The following HSDL2 variants were observed in gnomAD, a reference collection of about 807,000 sequenced individuals.
The protein encoded by HSDL2 is hydroxysteroid dehydrogenase like 2.
Under a neutral mutation model 46.3 loss-of-function variants are expected in HSDL2, and 27 were observed. That is an observed-to-expected ratio of 0.58 (90% confidence interval 0.43 to 0.80). HSDL2 has a LOEUF of 0.80. Among genes scored for constraint, HSDL2 ranks in the 30% least tolerant of loss-of-function variants. The pLI is 0.00. For synonymous variants in HSDL2, 153 were observed against 163.6 expected (o/e 0.94, Z 0.50); for missense variants, 451 against 502.7 (o/e 0.90, Z 0.98).
At chr9:112,467,682 G>A (rs187797579) in intron 10 of HSDL2, among the ~76,000 whole-genome samples, 85 of 152,200 alleles carry the variant, frequency 5.6e-4, no homozygotes, top group African/African-American at 2.0e-3. Flanking sequence ...GAAGTTTGTG[G>A]GGAATGCCAA....
intron 1 of HSDL2, among the ~76,000 whole-genome samples, chr9:112,400,302 G>A (rs1044431702): frequency 6.6e-6 from 1 of 152,156 alleles, no homozygotes; most frequent in Non-Finnish European, 1.5e-5. Flanking sequence ...ATTCACTGCT[G>A]CTGGTAAGGA....
intron 1 of HSDL2, among the ~76,000 whole-genome samples, chr9:112,401,441 CAAAAAAAAAAAAA>C (rs398011899): frequency 6.5e-5 from 4 of 61,496 alleles, no homozygotes; most frequent in African/African-American, 2.7e-4. Context: ...GAACCGCTCT[CAAAAAAAAAAAAA>C]AAAAAAAAAA....
At chr9:112,397,220 C>T (rs1484498423) in intron 1 of HSDL2, among the ~76,000 whole-genome samples, 1 of 152,158 alleles carries the variant, frequency 6.6e-6, no homozygotes, top group Non-Finnish European at 1.5e-5. Context: ...TGATTGCCGT[C>T]CTTCATAGCC....
intron 6 of HSDL2, among the ~76,000 whole-genome samples, chr9:112,436,992 C>G (rs1225006418): frequency 2.3e-5 from 3 of 127,848 alleles, no homozygotes; most frequent in African/African-American, 9.1e-5. Context: ...CGGAGTCTCG[C>G]TCTGTCACCC....
chr9:112,416,643 G>A (rs181207770), intron 4 of HSDL2, among the ~76,000 whole-genome samples, 198 bp from the exon 5 acceptor site: 1 of 150,528 alleles, frequency 6.6e-6, no homozygotes, highest in Non-Finnish European at 1.5e-5. Flanking sequence ...CTGCACACCT[G>A]TAGTTCCAGC....
At chr9:112,442,170 G>A (rs938261279) in intron 8 of HSDL2, among the ~76,000 whole-genome samples, 1 of 150,548 alleles carries the variant, frequency 6.6e-6, no homozygotes, top group Admixed American at 6.7e-5. Context: ...TCAGGAGGCT[G>A]AGGTGGGAGG....
intron 10 of HSDL2, among the ~76,000 whole-genome samples, chr9:112,469,401 C>A (rs1486542597): frequency 6.6e-6 from 1 of 151,832 alleles, no homozygotes; most frequent in Non-Finnish European, 1.5e-5. Context: ...GACAGAAAAT[C>A]ATAAATGAGG....
chr9:112,446,492 G>A (rs73537882), intron 8 of HSDL2, among the ~76,000 whole-genome samples: 201 of 152,256 alleles, frequency 1.3e-3, no homozygotes, highest in African/African-American at 4.6e-3. Context: ...ATAGCCAGGC[G>A]TGGTGGTATG....
intron 1 of HSDL2, 78 bp from the exon 2 acceptor site, chr9:112,403,917 A>C: frequency 7.0e-7 from 1 of 1,420,120 alleles, no homozygotes; most frequent in Non-Finnish European, 9.7e-7. Flanking sequence ...ATATTATGAA[A>C]ATATGCATGA....
intron 10 of HSDL2, among the ~76,000 whole-genome samples, chr9:112,463,035 TC>T (rs1833260369): frequency 6.6e-6 from 1 of 152,196 alleles, no homozygotes. Flanking sequence ...GTAGTTCGGT[TC>T]CTTTTTATTG....
Position 112,416,041 on chromosome 9 carries a change from G to A in HSDL2, c.396-800G>A, listed in dbSNP as rs143999382. Among the ~76,000 whole-genome samples, 898 of 151,742 alleles carry A rather than the reference G, an allele frequency of 5.9e-3. 9 individuals are homozygous for A. Among genetic ancestry groups the A allele is most frequent in the Non-Finnish European group, 0.011 (716 of 67,902 alleles). On this transcript the variant is annotated intron_variant, in intron 4 of 10. Coordinates refer to ENST00000398805, the MANE Select transcript of HSDL2 (RefSeq NM_032303.5). ...GGAGAATGGCATGAACCCGGGAGGC[G>A]GAGCTTGCAGTGAGCGATTGTGCCA...
chr9:112,432,578 A>T (rs1411710738), intron 6 of HSDL2, among the ~76,000 whole-genome samples: 1 of 152,250 alleles, frequency 6.6e-6, no homozygotes, highest in East Asian at 1.9e-4. Flanking sequence ...AGAGGGCATT[A>T]TCTGGTCCAG....
intron 8 of HSDL2, among the ~76,000 whole-genome samples, chr9:112,447,704 A>G (rs1999264): frequency 0.96 from 145,556 of 152,300 alleles, 69,619 homozygotes; most frequent in African/African-American, 0.98. Flanking sequence ...TAAAAAATCA[A>G]ATTGCTAAAC....
chr9:112,438,631 G>A lies in HSDL2; in HGVS notation c.793+6G>A. Reference sequence around the variant, plus strand: ...CGTTTATGCAATTAAACCAGGTAATGCTTTTATAGTTTTTAAAAGTAGTGA... The same window carrying A: ...CGTTTATGCAATTAAACCAGGTAATACTTTTATAGTTTTTAAAAGTAGTGA... On this transcript the variant is annotated splice_donor_region_variant and intron_variant, in intron 7 of 10. Coordinates refer to ENST00000398805, the MANE Select transcript of HSDL2 (RefSeq NM_032303.5). 1 of 1,488,928 alleles carries A rather than the reference G, an allele frequency of 6.7e-7. No individual in the cohort carries two copies. The highest frequency in any genetic ancestry group is 9.2e-7 in the Non-Finnish European group (1 of 1,089,032). The allele number at this position is 1,488,928 out of a possible 1,614,324, so 92.2% of individuals were successfully genotyped here. A position where few individuals can be genotyped will look rare whatever the true frequency, so the allele number is the denominator to read the frequency against.
intron 2 of HSDL2, 35 bp from the exon 3 acceptor site, chr9:112,405,589 T>C: frequency 7.0e-7 from 1 of 1,432,466 alleles, no homozygotes; most frequent in Non-Finnish European, 9.7e-7. Context: ...ATTTAAATGC[T>C]TTAACGCTTT....
chr9:112,430,190 G>A (rs924704946), intron 6 of HSDL2, among the ~76,000 whole-genome samples: 3 of 152,112 alleles, frequency 2.0e-5, no homozygotes, highest in Admixed American at 6.5e-5. Context: ...AGAAGGTGAC[G>A]TTTGAGCATA....
chr9:112,471,444 A>C lies in HSDL2; in HGVS notation c.*900A>C, dbSNP rs1422041058. The C allele has an allele frequency of 6.6e-6, 1 of 152,294 alleles. No homozygotes were observed. The highest frequency in any genetic ancestry group is 1.5e-5 in the Non-Finnish European group (1 of 68,090). 9.4% of individuals were successfully genotyped at this position (152,294 alleles called of 1,614,324 possible). A position where few individuals can be genotyped will look rare whatever the true frequency, so the allele number is the denominator to read the frequency against. On this transcript the variant is annotated 3_prime_UTR_variant, in exon 11 of 11. Transcript: ENST00000398805. ...GCAATGTGTGCACAGAACAAAGACC[A>C]GGAGAGGACACAGTGAGAAGGCAGT...
intron 8 of HSDL2, among the ~76,000 whole-genome samples, chr9:112,447,813 T>C (rs554581577): frequency 5.4e-4 from 7 of 13,046 alleles, no homozygotes; most frequent in Middle Eastern, 0.036. Context: ...GCATTTGTTT[T>C]TATTAAACAA....
At position 112,450,859 on chromosome 9, in the gene HSDL2, T is replaced by C. The variant is rs1587962725; in HGVS notation, c.866-3154T>C. ...TTATGTTTAATTGCATAGACTCCCA[T>C]TTAATTTAACATTACTTAATTATTG... On this transcript the variant is annotated intron_variant, in intron 8 of 10. Transcript: ENST00000398805. Among the ~76,000 whole-genome samples the C allele has an allele frequency of 3.9e-5, 6 of 152,280 alleles. No individual in the cohort carries two copies. In the South Asian group the frequency reaches 1.2e-3, roughly 32 times the overall value.
Sources: allele counts gnomAD v4.1 joint callset (sites outside exome capture counted in the v4.1 genomes callset), GRCh38; gene constraint gnomAD v4.1.1; transcripts MANE v1.5; gene names NCBI Gene and HGNC (gene_info 2026-07-23, HGNC 2026-07-21).